Variants in PCDHGA11 observed in about 807,000 individuals in gnomAD.
The protein encoded by PCDHGA11 is protocadherin gamma-A11.
PCDHGA11 carries 39 observed loss-of-function variants against 60.4 expected under a neutral mutation model. That is an observed-to-expected ratio of 0.65 (90% CI 0.50 to 0.84). PCDHGA11 has a LOEUF of 0.84. Among genes scored for constraint, PCDHGA11 ranks in the 40% least tolerant of loss-of-function variants. PCDHGA11 has a pLI of 0.00. For missense variants in PCDHGA11, 1,165 were observed against 1,197.7 expected (o/e 0.97, Z 0.40); for synonymous variants, 533 against 510.3 (o/e 1.04, Z -0.60).
intron 1 of PCDHGA11, among the ~76,000 whole-genome samples, chr5:141,463,191 C>T (rs2099054821): frequency 6.6e-6 from 1 of 152,100 alleles, no homozygotes; most frequent in Non-Finnish European, 1.5e-5. Flanking sequence ...TATTATTTAG[C>T]CAAAGACTTG....
chr5:141,444,281 C>T (rs1256106299), intron 1 of PCDHGA11, among the ~76,000 whole-genome samples: 1 of 146,976 alleles, frequency 6.8e-6, no homozygotes, highest in African/African-American at 2.5e-5. Context: ...AAGTGATTCT[C>T]CTGCCTCAGC....
Position 141,505,420 on chromosome 5 carries a change from C to G in PCDHGA11, c.2520C>G (p.Thr840=), listed in dbSNP as rs1236398971. 6.2e-7 allele frequency: 1 copy of G among 1,614,102 alleles called. No individual in the cohort carries two copies. Among genetic ancestry groups the G allele is most frequent in the Non-Finnish European group, 8.5e-7 (1 of 1,180,034 alleles). ...SGSQNGDDTG[T]WPNNQFDTEM... is the part of the protein sequence containing the mutation. ...CCCAAAATGGCGATGACACCGGCACCTGGCCCAACAACCAGTTTGACACAG... is the reference window on the plus strand; with the variant it reads ...CCCAAAATGGCGATGACACCGGCACGTGGCCCAACAACCAGTTTGACACAG... The change falls in exon 3 of 4, where the codon ACC becomes ACG. Residue 840 remains threonine (T), a synonymous_variant. Coordinates refer to ENST00000398587, the MANE Select transcript of PCDHGA11 (RefSeq NM_018914.3).
intron 1 of PCDHGA11, among the ~76,000 whole-genome samples, chr5:141,453,673 AC>A (rs1459216908): frequency 6.6e-6 from 1 of 152,230 alleles, no homozygotes; most frequent in African/African-American, 2.4e-5. Flanking sequence ...ACAAAAGGTA[AC>A]ACACTATGTA....
rs757797019 is a variant in PCDHGA11 at position 141,487,064 on chromosome 5, G to A, written c.2434-7743G>A. On this transcript the variant is annotated intron_variant, in intron 1 of 3. Transcript: ENST00000398587. The surrounding 1 kb of genome is among the most constrained non-coding windows in gnomAD (Gnocchi z 5.0). The stretch of plus-strand genomic sequence containing the variant: ...TCGATATGCTGGGGAGGTGCGGACG[G>A]CTGTTCCTATCCCAGCTGACCTCCC... 6.2e-6 allele frequency: 10 copies of A among 1,614,006 alleles called. No individual in the cohort carries two copies.
At chr5:141,483,076 C>A (rs964178941) in intron 1 of PCDHGA11, among the ~76,000 whole-genome samples, 8 of 152,044 alleles carry the variant, frequency 5.3e-5, no homozygotes, top group Non-Finnish European at 8.8e-5. Context: ...CAGAGAGAGA[C>A]TCCATCTCAA....
chr5:141,425,243 G>T (rs2096863760), intron 1 of PCDHGA11, among the ~76,000 whole-genome samples: 1 of 152,132 alleles, frequency 6.6e-6, no homozygotes, highest in Non-Finnish European at 1.5e-5. Flanking sequence ...AAATAAAAAG[G>T]ATATGAGGTA....
chr5:141,421,478 G>T lies in PCDHGA11; in HGVS notation c.251G>T (p.Ser84Ile). ...QLFAVNPRSG[S>I]LITAGRIDRE... ...TTCGCTGTGAATCCGCGAAGCGGCA[G>T]CTTGATCACGGCAGGCAGGATAGAC... Residue 84 changes from serine to isoleucine, a missense_variant, in exon 1 of 4, where the codon AGC (serine) becomes ATC (isoleucine). Ser to Ile is a moderately radical substitution (Grantham distance 142, BLOSUM62 -2). Transcript: ENST00000398587. 1 of 1,614,130 alleles carries T rather than the reference G, an allele frequency of 6.2e-7. No individual in the cohort carries two copies. Among genetic ancestry groups the T allele is most frequent in the Non-Finnish European group, 8.5e-7 (1 of 1,179,958 alleles).
intron 1 of PCDHGA11, among the ~76,000 whole-genome samples, chr5:141,483,575 A>G (rs1165739266): frequency 6.6e-6 from 1 of 152,194 alleles, no homozygotes; most frequent in Non-Finnish European, 1.5e-5. Flanking sequence ...GAATTCTGGC[A>G]TAAACACCTA....
At position 141,431,636 on chromosome 5, in the gene PCDHGA11, A is replaced by C; in HGVS notation, c.2433+7976A>C. 1 of 1,614,254 alleles carries C rather than the reference A, an allele frequency of 6.2e-7. No individual in the cohort carries two copies. On this transcript the variant is annotated intron_variant, in intron 1 of 3. Transcript: ENST00000398587. This position sits in a 1 kb window ranked among gnomAD's most constrained non-coding sequence, Gnocchi z 4.8. ...GGACGACAAGGCGGCCCAAGTTTTC[A>C]AACTAGATTGTAATTCAGGGACAAT... is the stretch of plus-strand genomic sequence containing the variant.
chr5:141,505,089 G>A (rs1562219081), intron 2 of PCDHGA11, among the ~76,000 whole-genome samples: 1 of 152,208 alleles, frequency 6.6e-6, no homozygotes, highest in Non-Finnish European at 1.5e-5. Context: ...TTGAACCCAG[G>A]AGGTGGATGT....
At chr5:141,499,730 T>C (rs1412528402) in intron 2 of PCDHGA11, among the ~76,000 whole-genome samples, 1 of 143,912 alleles carries the variant, frequency 6.9e-6, no homozygotes, top group East Asian at 2.1e-4. Context: ...AGTCTCACTC[T>C]CTTGCCCAGG....
intron 1 of PCDHGA11, among the ~76,000 whole-genome samples, chr5:141,475,629 C>T (rs77593456): frequency 0.054 from 8,157 of 152,234 alleles, 446 homozygotes; most frequent in African/African-American, 0.15. Flanking sequence ...TGGTTCGATC[C>T]CCTTTCTTGT....
At position 141,477,891 on chromosome 5, in the gene PCDHGA11, G is replaced by A. The variant is rs750359063; in HGVS notation, c.2434-16916G>A. 130 of 1,614,066 alleles carry A rather than the reference G, an allele frequency of 8.1e-5. 1 individual carries two copies. The highest frequency in any genetic ancestry group is 1.1e-4 in the Non-Finnish European group (125 of 1,180,050). On this transcript the variant is annotated intron_variant, in intron 1 of 3. Coordinates refer to ENST00000398587, the MANE Select transcript of PCDHGA11 (RefSeq NM_018914.3). The surrounding 1 kb of genome is among the most constrained non-coding windows in gnomAD (Gnocchi z 4.9). The stretch of plus-strand genomic sequence containing the variant: ...ACCTCAGCTGGCCACCTAGTGTCAC[G>A]GGTGGTAGGCTGGGACGCGGATGCA...
chr5:141,489,257 T>C lies in PCDHGA11; in HGVS notation c.2434-5550T>C, dbSNP rs2099684606. 5.8e-6 allele frequency: 9 copies of C among 1,550,190 alleles called. No homozygotes were observed. The highest frequency in any genetic ancestry group is 1.4e-5 in the African/African-American group (1 of 73,054). On this transcript the variant is annotated intron_variant, in intron 1 of 3. Transcript: ENST00000398587. This position sits in a 1 kb window ranked among gnomAD's most constrained non-coding sequence, Gnocchi z 4.5. Reference sequence around the variant, plus strand: ...TTCTGGGTCATGGGGCCCAAGACACTCCCACAGCTCGCTGGGAAATGGCAA... The same window carrying C: ...TTCTGGGTCATGGGGCCCAAGACACCCCCACAGCTCGCTGGGAAATGGCAA...
In PCDHGA11 at chr5:141,512,903, C is replaced by G. The variant is rs2099884492; in HGVS notation, c.*1730C>G. On this transcript the variant is annotated 3_prime_UTR_variant, in exon 4 of 4. Coordinates refer to ENST00000398587, the MANE Select transcript of PCDHGA11 (RefSeq NM_018914.3). ...CCCCACCCTCTTCCTGTGTCTCACG[C>G]AAGTTTTATACTCTAATATTTATAT... 6.6e-6 allele frequency: 1 copy of G among 152,224 alleles called. No homozygotes were observed. Among genetic ancestry groups the G allele is most frequent in the African/African-American group, 2.4e-5 (1 of 41,452 alleles). 9.4% of individuals were successfully genotyped at this position (152,224 alleles called of 1,614,324 possible).
At chr5:141,480,414 C>CA (rs10712552) in intron 1 of PCDHGA11, among the ~76,000 whole-genome samples, 44 of 147,474 alleles carry the variant, frequency 3.0e-4, no homozygotes, top group Non-Finnish European at 4.4e-4. Context: ...GACCCTGTCT[C>CA]AAAAAAAAAA....
At position 141,512,114 on chromosome 5, in the gene PCDHGA11, C is replaced by T. The variant is rs2099884080; in HGVS notation, c.*941C>T. ...TAACTAGGCTGGACCCTTCCCACTA[C>T]ATAATAGGGCTCAGCCCAGGCAGCC... On this transcript the variant is annotated 3_prime_UTR_variant, in exon 4 of 4. Coordinates refer to ENST00000398587, the MANE Select transcript of PCDHGA11 (RefSeq NM_018914.3). 2 of 152,696 alleles carry T rather than the reference C, an allele frequency of 1.3e-5. No homozygotes were observed. Among genetic ancestry groups the T allele is most frequent in the African/African-American group, 4.8e-5 (2 of 41,468 alleles). 9.5% of individuals were successfully genotyped at this position (152,696 alleles called of 1,614,324 possible).
rs1686238986 is a variant in PCDHGA11 at position 141,431,536 on chromosome 5, G to A, written c.2433+7876G>A. The A allele has an allele frequency of 6.2e-7, 1 of 1,614,070 alleles. No homozygotes were observed. Among genetic ancestry groups the A allele is most frequent in the African/African-American group, 1.3e-5 (1 of 75,064 alleles). On this transcript the variant is annotated intron_variant, in intron 1 of 3. Transcript: ENST00000398587. The surrounding 1 kb of genome is among the most constrained non-coding windows in gnomAD (Gnocchi z 4.8). ...TTCCGGAGAATCTGGCCTTGGGCAC[G>A]CAGCTGCTTGTAGTCAACGCTACCG... is the stretch of plus-strand genomic sequence containing the variant.
At chr5:141,494,763 C>T in intron 1 of PCDHGA11, 44 bp from the exon 2 acceptor site, 4 of 1,613,926 alleles carry the variant, frequency 2.5e-6, no homozygotes, top group Admixed American at 1.7e-5. Context: ...GACATTCTAA[C>T]TTCTCACGGG....
Sources: gnomAD v4.1 joint callset for allele counts (sites outside exome capture counted in the v4.1 genomes callset) on GRCh38, gnomAD v4.1.1 for gene constraint, Gnocchi (gnomAD v3.1) non-coding constraint, MANE v1.5 for transcripts, NCBI Gene and HGNC (gene_info 2026-07-23, HGNC 2026-07-21) for gene names.